Variants in TNC observed in about 807,000 individuals in gnomAD.
The protein encoded by TNC is tenascin C, also known as tenascin.
Under a neutral mutation model 202.4 loss-of-function variants are expected in TNC, and 109 were observed. The ratio of observed to expected loss-of-function variants is 0.54; its 90% CI spans 0.46 to 0.63. The LOEUF is 0.63. Among genes scored for constraint, TNC ranks in the 30% least tolerant of loss-of-function variants. The probability of loss-of-function intolerance (pLI) is 0.00; values close to 1 mark genes in which losing one functional copy is unlikely to be tolerated. For synonymous variants in TNC, 1,007 were observed against 1,089.7 expected, an observed-to-expected ratio of 0.92 and a Z score of 1.50; for missense variants, 2,756 against 2,833.3, an observed-to-expected ratio of 0.97 and a Z score of 0.62.
At chr9:115,115,515 G>A (rs1009972206) in intron 1 of TNC, among the ~76,000 whole-genome samples, 5 of 152,146 alleles carry the variant, frequency 3.3e-5, no homozygotes, top group African/African-American at 1.2e-4. Flanking sequence ...GACATGCTGT[G>A]GATGATCCCA....
chr9:115,054,446 A>G (rs1323703266), intron 15 of TNC, among the ~76,000 whole-genome samples: 1 of 152,158 alleles, frequency 6.6e-6, no homozygotes, highest in Admixed American at 6.5e-5. Flanking sequence ...GAACTCTGTT[A>G]TTTCCCTATA....
chr9:115,045,617 A>G (rs2132088537), intron 17 of TNC, among the ~76,000 whole-genome samples: 1 of 148,430 alleles, frequency 6.7e-6, no homozygotes, highest in Admixed American at 7.0e-5. Context: ...CCTGGACTCA[A>G]GTGATCCTCC....
intron 15 of TNC, among the ~76,000 whole-genome samples, chr9:115,051,015 G>A (rs1204038644): frequency 6.6e-6 from 1 of 151,986 alleles, no homozygotes; most frequent in East Asian, 1.9e-4. Flanking sequence ...TTAGACCCTG[G>A]GAGAGACCTG....
In TNC at chr9:115,087,087, T is replaced by C. The variant is rs756134630; in HGVS notation, c.644A>G (p.Asp215Gly). 1 of 1,614,204 alleles carries C rather than the reference T, an allele frequency of 6.2e-7. No homozygotes were observed. Among genetic ancestry groups the C allele is most frequent in the Non-Finnish European group, 8.5e-7 (1 of 1,180,034 alleles). Residue 215 changes from aspartate to glycine, a missense_variant, in exon 3 of 28, where the codon GAC becomes GGC. Asp to Gly is a moderately conservative substitution (Grantham distance 94). Coordinates refer to ENST00000350763, the MANE Select transcript of TNC (RefSeq NM_002160.4). ...CICDDGFTGE[D>G]CSQLACPSDC... ...GCTGGGGCAAGCCAGCTGGCTGCAG[T>C]CCTCGCCCGTGAAGCCGTCGTCACA...
chr9:115,113,100 G>T (rs1837207607), intron 1 of TNC, among the ~76,000 whole-genome samples: 1 of 152,250 alleles, frequency 6.6e-6, no homozygotes, highest in African/African-American at 2.4e-5. Flanking sequence ...GGTGAAGCCT[G>T]AAGGAGCAAG....
chr9:115,051,221 A>G (rs1831625173), intron 15 of TNC, among the ~76,000 whole-genome samples: 1 of 152,154 alleles, frequency 6.6e-6, no homozygotes, highest in Admixed American at 6.6e-5. Flanking sequence ...GCAAATGTTC[A>G]AGAAGTCAAG....
intron 25 of TNC, among the ~76,000 whole-genome samples, chr9:115,028,615 A>C (rs1829690690): frequency 6.6e-6 from 1 of 152,110 alleles, no homozygotes; most frequent in Non-Finnish European, 1.5e-5. Flanking sequence ...ACCCCAATTT[A>C]ACTCTGCCAA....
chr9:115,098,120 A>G (rs1054882705), intron 1 of TNC, among the ~76,000 whole-genome samples: 1 of 152,240 alleles, frequency 6.6e-6, no homozygotes, highest in East Asian at 1.9e-4. Flanking sequence ...GTGGGGTGGA[A>G]GAAGGGTTAA....
intron 17 of TNC, among the ~76,000 whole-genome samples, chr9:115,042,742 C>T (rs947339114): frequency 6.6e-6 from 1 of 152,110 alleles, no homozygotes; most frequent in Non-Finnish European, 1.5e-5. Flanking sequence ...CAGTTCTTTG[C>T]AATTTATAAG....
At chr9:115,040,620 G>A (rs1038256471) in intron 19 of TNC, among the ~76,000 whole-genome samples, 1 of 152,194 alleles carries the variant, frequency 6.6e-6, no homozygotes. Flanking sequence ...GATAGCTCAT[G>A]TAGTTGGTAG....
chr9:115,029,519 G>A, intron 24 of TNC, 63 bp from the exon 25 acceptor site: 1 of 1,472,570 alleles, frequency 6.8e-7, no homozygotes, highest in Non-Finnish European at 9.5e-7. Flanking sequence ...GCATCGTTGT[G>A]AGAGGAAGGA....
intron 1 of TNC, among the ~76,000 whole-genome samples, chr9:115,102,228 T>G (rs1836290660): frequency 6.6e-6 from 1 of 152,172 alleles, no homozygotes; most frequent in South Asian, 2.1e-4. Flanking sequence ...CAGCCTTTTG[T>G]GCTGGAGGGC....
At chr9:115,090,188 T>A (rs909516070) in intron 2 of TNC, among the ~76,000 whole-genome samples, 2 of 152,192 alleles carry the variant, frequency 1.3e-5, no homozygotes, top group African/African-American at 4.8e-5. Context: ...GCCACAGCAG[T>A]ACCTATCAGA....
chr9:115,109,270 G>T (rs775422931), intron 1 of TNC, among the ~76,000 whole-genome samples: 2 of 152,336 alleles, frequency 1.3e-5, no homozygotes, highest in East Asian at 3.9e-4. Context: ...TTGAATGCCA[G>T]TTTCTGTGCT....
intron 17 of TNC, among the ~76,000 whole-genome samples, chr9:115,046,066 G>A (rs1267232436): frequency 1.4e-5 from 2 of 144,688 alleles, no homozygotes; most frequent in African/African-American, 5.0e-5. Context: ...AGAATCTTTG[G>A]AACGTAAAAA....
intron 27 of TNC, among the ~76,000 whole-genome samples, chr9:115,022,456 G>A (rs574321784): frequency 6.6e-6 from 1 of 152,352 alleles, no homozygotes; most frequent in East Asian, 1.9e-4. Context: ...AGCAGGAGGA[G>A]CAGAGCTGGA....
intron 26 of TNC, among the ~76,000 whole-genome samples, chr9:115,024,898 G>C (rs997318060): frequency 2.0e-5 from 3 of 152,298 alleles, no homozygotes; most frequent in South Asian, 4.1e-4. Context: ...ATCCAGACAA[G>C]TGCTGTGCAC....
At chr9:115,053,328 G>A (rs1831852712) in intron 15 of TNC, among the ~76,000 whole-genome samples, 1 of 152,194 alleles carries the variant, frequency 6.6e-6, no homozygotes, top group South Asian at 2.1e-4. Flanking sequence ...TGGTAGATTG[G>A]AGTAACGTGA....
chr9:115,026,131 T>A (rs778126096), intron 26 of TNC, among the ~76,000 whole-genome samples: 20 of 152,314 alleles, frequency 1.3e-4, no homozygotes, highest in Non-Finnish European at 1.5e-4. Flanking sequence ...TGTGTCAGCA[T>A]CTGGAGATTC....
Sources: allele counts gnomAD v4.1 joint callset (sites outside exome capture counted in the v4.1 genomes callset), GRCh38; gene constraint gnomAD v4.1.1; transcripts MANE v1.5; gene names NCBI Gene and HGNC (gene_info 2026-07-23, HGNC 2026-07-21).